The following SEC11C variants were observed in gnomAD, a reference collection of about 807,000 sequenced individuals.
The protein encoded by SEC11C is signal peptidase complex catalytic subunit SEC11C.
A neutral mutation model predicts 21.9 loss-of-function variants in SEC11C; 10 were observed. The ratio of observed to expected loss-of-function variants is 0.46; its 90% CI spans 0.28 to 0.77. SEC11C has a LOEUF of 0.77. Among genes scored for constraint, SEC11C ranks in the 30% least tolerant of loss-of-function variants. The pLI is 0.12. For synonymous variants in SEC11C, 83 were observed against 85.6 expected (o/e 0.97, Z 0.17); for missense variants, 145 against 244.5 (o/e 0.59, Z 2.71).
intron 1 of SEC11C, among the ~76,000 whole-genome samples, chr18:59,146,539 G>C (rs1211652681): frequency 2.6e-5 from 4 of 152,132 alleles, no homozygotes; most frequent in Non-Finnish European, 5.9e-5. Flanking sequence ...TGGAAGGCAG[G>C]GGCTGAGGGT....
Position 59,149,637 on chromosome 18 carries a change from C to T in SEC11C, c.197+15C>T. On this transcript the variant is annotated intron_variant, in intron 2 of 5. Coordinates refer to ENST00000587834, the MANE Select transcript of SEC11C (RefSeq NM_033280.4). ...GTGGTGCTGAGGTAGGTCCCCCAGG[C>T]TGGCCTCCAGCCTCCAACCTCCATC... 2 of 1,571,006 alleles carry T rather than the reference C, an allele frequency of 1.3e-6. No individual in the cohort carries two copies. The highest frequency in any genetic ancestry group is 4.5e-5 in the East Asian group (2 of 44,416).
chr18:59,158,614 A>T lies in SEC11C; in HGVS notation c.526-18A>T. 1 of 1,611,778 alleles carries T rather than the reference A, an allele frequency of 6.2e-7. No individual in the cohort carries two copies. The highest frequency in any genetic ancestry group is 2.2e-5 in the East Asian group (1 of 44,844). Reference sequence around the variant, plus strand: ...TTTGTAGACCTCACAGTGATTTTCCATTGTGTTTTCTTTCCAGTATGCTCT... The same window carrying T: ...TTTGTAGACCTCACAGTGATTTTCCTTTGTGTTTTCTTTCCAGTATGCTCT... On this transcript the variant is annotated intron_variant, in intron 5 of 5. Transcript: ENST00000587834.
chr18:59,148,687 C>T (rs1163063297), intron 1 of SEC11C, among the ~76,000 whole-genome samples: 1 of 151,576 alleles, frequency 6.6e-6, no homozygotes, highest in Admixed American at 6.6e-5. Flanking sequence ...AGTCACGGCT[C>T]ACTGCAAGCT....
Position 59,149,456 on chromosome 18 carries a change from A to G in SEC11C, c.88-57A>G, listed in dbSNP as rs1001972146. On this transcript the variant is annotated intron_variant, in intron 1 of 5. Coordinates refer to ENST00000587834, the MANE Select transcript of SEC11C (RefSeq NM_033280.4). ...TTGATAACTGCATCTCCAGCTTCAC[A>G]GGTTGGTGGATCTTCTGCTATTGGT... 44 of 1,128,028 alleles carry G rather than the reference A, an allele frequency of 3.9e-5. No individual in the cohort carries two copies. In the Middle Eastern group the frequency reaches 7.9e-4, roughly 20 times the overall value. The allele number at this position is 1,128,028 out of a possible 1,614,324, so 69.9% of individuals were successfully genotyped here. A position where few individuals can be genotyped will look rare whatever the true frequency, so the allele number is the denominator to read the frequency against.
chr18:59,140,163 G>A (rs965513464), intron 1 of SEC11C, 128 bp downstream of exon 1: 2 of 752,346 alleles, frequency 2.7e-6, no homozygotes, highest in Admixed American at 6.1e-5. Context: ...CTCCCGCGCT[G>A]GGCTCTCAGG....
Position 59,155,690 on chromosome 18 carries a change from A to G in SEC11C, c.350A>G (p.Asp117Gly). Residue 117 changes from aspartate (D) to glycine (G), a missense_variant and splice_region_variant, in exon 4 of 6, where the codon GAT becomes GGT. Transcript: ENST00000587834. The part of the protein sequence containing the change: ...VHRVIKVHEK[D>G]NGDIKFLTKG... The stretch of plus-strand genomic sequence containing the variant: ...GAAGACATTATTTTGCTTTCCAGAG[A>G]TAATGGAGACATCAAATTTCTGACT... 9 of 1,613,010 alleles carry G rather than the reference A, an allele frequency of 5.6e-6. No homozygotes were observed. Among genetic ancestry groups the G allele is most frequent in the Non-Finnish European group, 7.6e-6 (9 of 1,179,568 alleles).
intron 3 of SEC11C, among the ~76,000 whole-genome samples, chr18:59,154,846 A>G (rs2069401510): frequency 6.6e-6 from 1 of 152,178 alleles, no homozygotes; most frequent in Non-Finnish European, 1.5e-5. Context: ...CGGGTGGATC[A>G]CTTGAGGTCA....
rs1219328086 is a variant in SEC11C, at chr18:59,140,139, G to A, written c.87+104G>A. On this transcript the variant is annotated intron_variant, in intron 1 of 5. Coordinates refer to ENST00000587834, the MANE Select transcript of SEC11C (RefSeq NM_033280.4). ...TCCGGCTCCCAGTGAATGCGGCCGG[G>A]CGGCCACCCGAAGCTCCCGCGCTGG... 6 of 1,076,440 alleles carry A rather than the reference G, an allele frequency of 5.6e-6. No homozygotes were observed. In the East Asian group the frequency reaches 1.4e-4, roughly 26 times the overall value. 66.7% of individuals were successfully genotyped at this position (1,076,440 alleles called of 1,614,324 possible).
chr18:59,148,386 C>T (rs2069304019), intron 1 of SEC11C, among the ~76,000 whole-genome samples: 1 of 152,138 alleles, frequency 6.6e-6, no homozygotes, highest in African/African-American at 2.4e-5. Flanking sequence ...GGTGTTGGCA[C>T]ATGGGCAGGT....
chr18:59,153,595 C>T (rs1023537027), intron 3 of SEC11C, among the ~76,000 whole-genome samples: 7 of 152,102 alleles, frequency 4.6e-5, no homozygotes, highest in South Asian at 2.1e-4. Context: ...CTGTCACCTA[C>T]GCTGGAGTGC....
At chr18:59,146,784 A>G (rs1385296329) in intron 1 of SEC11C, among the ~76,000 whole-genome samples, 1 of 152,004 alleles carries the variant, frequency 6.6e-6, no homozygotes, top group Non-Finnish European at 1.5e-5. Flanking sequence ...TTGCGATGGG[A>G]GAGTCTTTAG....
intron 1 of SEC11C, among the ~76,000 whole-genome samples, chr18:59,141,322 A>G (rs930160073): frequency 6.6e-6 from 1 of 152,232 alleles, no homozygotes; most frequent in Non-Finnish European, 1.5e-5. Context: ...TCACCAGCTT[A>G]AAAAAGTAAC....
At chr18:59,147,962 A>T (rs1316484806) in intron 1 of SEC11C, 2 of 152,334 alleles carry the variant, frequency 1.3e-5, no homozygotes, top group Non-Finnish European at 2.9e-5. Flanking sequence ...TCAGGTGTAC[A>T]CAGAAGTGAG....
At chr18:59,146,856 A>C (rs1157401160) in intron 1 of SEC11C, 1 of 152,260 alleles carries the variant, frequency 6.6e-6, no homozygotes, top group African/African-American at 2.4e-5. Context: ...GAATCACCCC[A>C]CCCCTCCCAG....
Position 59,158,660 on chromosome 18 carries a change from A to T in SEC11C, c.554A>T (p.Tyr185Phe). The change falls in exon 6 of 6, where the codon TAT (tyrosine) becomes TTT (phenylalanine). Residue 185 changes from tyrosine (Y) to phenylalanine (F), a missense_variant. Coordinates refer to ENST00000587834, the MANE Select transcript of SEC11C (RefSeq NM_033280.4). ...GCTCTTTTGGCTGTAATGGGTGCAT[A>T]TGTGTTACTAAAACGTGAATCCTAA... ...KYALLAVMGA[Y>F]VLLKRES 1 of 1,613,884 alleles carries T rather than the reference A, an allele frequency of 6.2e-7. No individual in the cohort carries two copies. Among genetic ancestry groups the T allele is most frequent in the South Asian group, 1.1e-5 (1 of 91,072 alleles).
Sources: gnomAD v4.1 joint callset for allele counts (sites outside exome capture counted in the v4.1 genomes callset) on GRCh38, gnomAD v4.1.1 for gene constraint, MANE v1.5 for transcripts, NCBI Gene and HGNC (gene_info 2026-07-23, HGNC 2026-07-21) for gene names.